The following RBMS3 variants were observed in gnomAD, a reference collection of about 807,000 sequenced individuals.
RBMS3 encodes RNA binding motif single stranded interacting protein 3, also known as RNA-binding motif, single-stranded-interacting protein 3.
RBMS3 carries 27 observed loss-of-function variants against 66.8 expected under a neutral mutation model. The observed-to-expected ratio is 0.40, with a 90% CI of 0.30 to 0.56. RBMS3 has a LOEUF of 0.56. Ranked by LOEUF, RBMS3 falls within the 20% of genes least tolerant of loss-of-function variation. The pLI is 0.40. For missense variants in RBMS3, 513 were observed against 549.5 expected, an observed-to-expected ratio of 0.93 and a Z score of 0.66; for synonymous variants, 188 against 183.0, an observed-to-expected ratio of 1.03 and a Z score of -0.22.
At chr3:29,883,266 T>C (rs147316268) in intron 7 of RBMS3, among the ~76,000 whole-genome samples, 204 of 152,182 alleles carry the variant, frequency 1.3e-3, no homozygotes, top group African/African-American at 4.4e-3. Flanking sequence ...AGCTGAGGAA[T>C]GGAAAGGAGC....
At chr3:29,657,809 T>A (rs748122174) in intron 4 of RBMS3, among the ~76,000 whole-genome samples, 1 of 152,192 alleles carries the variant, frequency 6.6e-6, no homozygotes, top group African/African-American at 2.4e-5. Context: ...TAATGATTGA[T>A]AAATGATACG....
At chr3:29,851,043 A>T (rs2058921222) in intron 6 of RBMS3, among the ~76,000 whole-genome samples, 1 of 152,150 alleles carries the variant, frequency 6.6e-6, no homozygotes, top group East Asian at 1.9e-4. Context: ...TTTCTTTTAG[A>T]ACTTCACTGA....
intron 4 of RBMS3, among the ~76,000 whole-genome samples, chr3:29,641,618 T>C (rs1374667037): frequency 6.6e-6 from 1 of 152,130 alleles, no homozygotes; most frequent in Non-Finnish European, 1.5e-5. Context: ...TTTTAATTTT[T>C]TAGCTTATTT....
At chr3:29,330,985 A>C (rs371299424) in intron 1 of RBMS3, among the ~76,000 whole-genome samples, 3 of 152,208 alleles carry the variant, frequency 2.0e-5, no homozygotes. Flanking sequence ...TTGTATTTTT[A>C]TATTAATGCA....
intron 8 of RBMS3, among the ~76,000 whole-genome samples, chr3:29,896,644 C>T (rs1047342072): frequency 2.6e-5 from 4 of 151,536 alleles, no homozygotes; most frequent in Admixed American, 2.6e-4. Flanking sequence ...ATGGACATTT[C>T]ACTGATTTTC....
At chr3:29,773,423 T>G (rs768571273) in intron 6 of RBMS3, among the ~76,000 whole-genome samples, 5 of 152,058 alleles carry the variant, frequency 3.3e-5, no homozygotes, top group Non-Finnish European at 7.4e-5. Context: ...ACATTCCATA[T>G]TATTCCTATA....
chr3:29,657,592 T>C (rs932261672), intron 4 of RBMS3, among the ~76,000 whole-genome samples: 12 of 152,338 alleles, frequency 7.9e-5, no homozygotes, highest in African/African-American at 2.6e-4. Context: ...AAAATATGTT[T>C]GTTATTTTTA....
In RBMS3 at chr3:29,787,002, A is replaced by G. The variant is rs375325645; in HGVS notation, c.637+24013A>G. On this transcript the variant is annotated intron_variant, in intron 6 of 14. Transcript: ENST00000383767. Reference sequence around the variant, plus strand: ...CAGCAAGAAAGAAACAAACAACCCCATCAAAAAGTGGCCTAAGGACATGAA... The same window carrying G: ...CAGCAAGAAAGAAACAAACAACCCCGTCAAAAAGTGGCCTAAGGACATGAA... 7.9e-5 allele frequency among the ~76,000 whole-genome samples: 12 copies of G among 152,280 alleles called. No homozygotes were observed. In the East Asian group the frequency reaches 2.1e-3, roughly 27 times the overall value.
intron 6 of RBMS3, among the ~76,000 whole-genome samples, chr3:29,862,163 GTTC>G (rs1207403914): frequency 2.0e-5 from 3 of 152,096 alleles, no homozygotes; most frequent in Admixed American, 1.3e-4. Context: ...AACCAAAACA[GTTC>G]TTCTCAAATC....
chr3:29,804,076 A>T (rs1046077278), intron 6 of RBMS3, among the ~76,000 whole-genome samples: 1 of 152,122 alleles, frequency 6.6e-6, no homozygotes, highest in African/African-American at 2.4e-5. Context: ...TTTTCCCTGG[A>T]CTACCAGGTT....
chr3:29,282,527 G>A (rs1243603963), intron 1 of RBMS3, among the ~76,000 whole-genome samples: 1 of 152,120 alleles, frequency 6.6e-6, no homozygotes, highest in Non-Finnish European at 1.5e-5. Context: ...GCAAGCCCAC[G>A]TAAGTAAGCA....
intron 8 of RBMS3, among the ~76,000 whole-genome samples, chr3:29,889,544 T>C (rs1219805998): frequency 6.6e-6 from 1 of 151,618 alleles, no homozygotes; most frequent in Non-Finnish European, 1.5e-5. Flanking sequence ...GATAATAATA[T>C]CAGTACCTTT....
intron 3 of RBMS3, among the ~76,000 whole-genome samples, chr3:29,507,213 A>C (rs1049570768): frequency 1.3e-5 from 2 of 151,740 alleles, no homozygotes; most frequent in African/African-American, 4.8e-5. Context: ...AGGTTCTTTT[A>C]TGACCTCATT....
At chr3:29,935,725 A>G (rs2061249422) in intron 10 of RBMS3, among the ~76,000 whole-genome samples, 1 of 152,260 alleles carries the variant, frequency 6.6e-6, no homozygotes, top group Admixed American at 6.5e-5. Flanking sequence ...CAAGAAAATT[A>G]GAGAATTTCC....
At chr3:29,936,037 T>A in intron 10 of RBMS3, 49 bp from the exon 11 acceptor site, 1 of 1,449,604 alleles carries the variant, frequency 6.9e-7, no homozygotes, top group South Asian at 1.2e-5. Flanking sequence ...GTAAGAAGTC[T>A]CCTTCCTTGT....
intron 12 of RBMS3, among the ~76,000 whole-genome samples, chr3:29,960,495 C>T (rs550926767): frequency 1.3e-5 from 2 of 152,266 alleles, no homozygotes; most frequent in South Asian, 2.1e-4. Context: ...AGACAGTGTC[C>T]CTCTTTTCAC....
chr3:29,565,981 T>A (rs1315236800), intron 3 of RBMS3, among the ~76,000 whole-genome samples: 5 of 152,156 alleles, frequency 3.3e-5, no homozygotes, highest in African/African-American at 1.2e-4. Flanking sequence ...CAAGGAATTG[T>A]GTATCAGAGA....
intron 4 of RBMS3, among the ~76,000 whole-genome samples, chr3:29,719,371 T>C (rs1352777584): frequency 6.6e-6 from 1 of 152,190 alleles, no homozygotes; most frequent in Non-Finnish European, 1.5e-5. Flanking sequence ...ATCACTCAGG[T>C]GCCTTGGCCA....
chr3:29,285,674 A>G (rs757832533), intron 1 of RBMS3, among the ~76,000 whole-genome samples: 5 of 152,068 alleles, frequency 3.3e-5, no homozygotes, highest in Non-Finnish European at 7.4e-5. Flanking sequence ...AGAAGGGGCC[A>G]GGTGTAAGAA....
Sources: allele counts gnomAD v4.1 joint callset (sites outside exome capture counted in the v4.1 genomes callset), GRCh38; gene constraint gnomAD v4.1.1; transcripts MANE v1.5; gene names NCBI Gene and HGNC (gene_info 2026-07-23, HGNC 2026-07-21).